Variants in OTOF observed in about 807,000 individuals in gnomAD.
OTOF encodes the protein fer-1-like family member 2.
In OTOF, 218 loss-of-function variants were observed where a neutral mutation model predicts 236.8. That is an observed-to-expected ratio of 0.92 (90% confidence interval 0.82 to 1.03). The LOEUF (loss-of-function observed/expected upper bound fraction) is 1.03, where lower values mean the gene tolerates loss of function less well. Among genes scored for constraint, OTOF ranks in the 50% least tolerant of loss-of-function variants. OTOF has a pLI of 0.00. For missense variants in OTOF, 2,590 were observed against 2,694.4 expected (o/e 0.96, Z 0.86); for synonymous variants, 1,041 against 1,072.5 (o/e 0.97, Z 0.57).
In OTOF at chr2:26,476,921, G is replaced by C. The variant is rs757243762; in HGVS notation, c.2646C>G (p.Asp882Glu). The change falls in exon 22 of 47, where the codon GAC becomes GAG. Residue 882 changes from aspartate to glutamate, a missense_variant. Transcript: ENST00000272371. ...FSIVEEETGK[D>E]CAKVKTLFLK... Reference sequence around the variant, plus strand: ...GGAAGAGCGTCTTGACCTTGGCGCAGTCCTTGCCAGTCTCCTCCTCCACGA... The same window carrying C: ...GGAAGAGCGTCTTGACCTTGGCGCACTCCTTGCCAGTCTCCTCCTCCACGA... 1.9e-6 allele frequency: 3 copies of C among 1,611,138 alleles called. No individual in the cohort carries two copies. Among genetic ancestry groups the C allele is most frequent in the South Asian group, 2.2e-5 (2 of 91,052 alleles).
Position 26,470,794 on chromosome 2 carries a change from TC to T in OTOF, c.3895-74del. On this transcript the variant is annotated intron_variant, in intron 31 of 46. Coordinates refer to ENST00000272371, the MANE Select transcript of OTOF (RefSeq NM_194248.3). This position sits in a 1 kb window ranked among gnomAD's most constrained non-coding sequence, Gnocchi z 4.3. ...GACAATCCCGAGAGCCTCCACCCAT[TC>T]CGCCATCTGTCAGCAGGAAGCCTTG... 1.3e-6 allele frequency: 2 copies of T among 1,575,142 alleles called. No individual in the cohort carries two copies. The highest frequency in any genetic ancestry group is 1.7e-6 in the Non-Finnish European group (2 of 1,165,168).
At chr2:26,552,489 C>T (rs1196639615) in intron 1 of OTOF, among the ~76,000 whole-genome samples, 2 of 152,186 alleles carry the variant, frequency 1.3e-5, no homozygotes, top group Non-Finnish European at 2.9e-5. Context: ...AAATGATTTG[C>T]AAGTCTGTTC....
At chr2:26,494,894 C>T (rs1480947795) in intron 9 of OTOF, 48 bp downstream of exon 9, 1 of 1,612,398 alleles carries the variant, frequency 6.2e-7, no homozygotes, top group East Asian at 2.2e-5. Context: ...GCTGGGGCCA[C>T]CCTCCTGCCA....
At chr2:26,483,054 TGTGA>T in intron 13 of OTOF, among the ~76,000 whole-genome samples, 1 of 149,464 alleles carries the variant, frequency 6.7e-6, no homozygotes, top group Non-Finnish European at 1.5e-5. Context: ...TGTGTGCATG[TGTGA>T]GTGGGTGTGT....
At chr2:26,472,955 G>A (rs1441246880) in intron 29 of OTOF, among the ~76,000 whole-genome samples, 177 bp downstream of exon 29, 1 of 152,222 alleles carries the variant, frequency 6.6e-6, no homozygotes, top group South Asian at 2.1e-4. Context: ...CTCTCTGGCT[G>A]TAGAGCTGGC....
At chr2:26,497,151 G>T in intron 8 of OTOF, among the ~76,000 whole-genome samples, 1 of 139,712 alleles carries the variant, frequency 7.2e-6, no homozygotes, top group East Asian at 2.0e-4. Flanking sequence ...TGCCCCGGCT[G>T]GAGTGCAGTG....
At chr2:26,486,236 G>A (rs1665696992) in intron 11 of OTOF, among the ~76,000 whole-genome samples, 1 of 150,946 alleles carries the variant, frequency 6.6e-6, no homozygotes, top group South Asian at 2.1e-4. Flanking sequence ...ATAGATGGGT[G>A]GGTAGATATA....
intron 1 of OTOF, among the ~76,000 whole-genome samples, chr2:26,555,564 A>G (rs985888722): frequency 6.6e-6 from 1 of 152,290 alleles, no homozygotes; most frequent in East Asian, 1.9e-4. Context: ...CAGTGGGAAA[A>G]GAGGTGGCCA....
At position 26,476,935 on chromosome 2, in the gene OTOF, C is replaced by T. The variant is rs1172733523; in HGVS notation, c.2632G>A (p.Glu878Lys). Residue 878 changes from glutamate (E) to lysine (K), a missense_variant, in exon 22 of 47, where the codon GAG (glutamate) becomes AAG (lysine). By Grantham distance (56) the Glu-to-Lys change is moderately conservative (BLOSUM62 1). This residue lies in a region of OTOF where 1,379 missense variants were observed against 1,341.6 expected (regional missense o/e 1.03). Coordinates refer to ENST00000272371, the MANE Select transcript of OTOF (RefSeq NM_194248.3). ...KDLLFSIVEE[E>K]TGKDCAKVKT... Reference sequence around the variant, plus strand: ...ACCTTGGCGCAGTCCTTGCCAGTCTCCTCCTCCACGATGGAGAAGAGCAGG... The same window carrying T: ...ACCTTGGCGCAGTCCTTGCCAGTCTTCTCCTCCACGATGGAGAAGAGCAGG... 7 of 1,611,058 alleles carry T rather than the reference C, an allele frequency of 4.3e-6. No individual in the cohort carries two copies. The highest frequency in any genetic ancestry group is 1.1e-5 in the South Asian group (1 of 91,024).
Position 26,466,731 on chromosome 2 carries a change from G to T in OTOF, c.4483C>A (p.Arg1495=), listed in dbSNP as rs147321712. ...AGTCTCACCCGGACCACATAGACTC[G>T]GACCAGCACATTGATGGGGTCATTG... ...PSNDPINVLV[R]VYVVRATDLH... is the part of the protein sequence containing the mutation. Residue 1495 remains arginine (R), a synonymous_variant, in exon 36 of 47, where the codon CGA becomes AGA. Coordinates refer to ENST00000272371, the MANE Select transcript of OTOF (RefSeq NM_194248.3). The T allele has an allele frequency of 3.2e-4, 512 of 1,614,094 alleles. No homozygotes were observed. Among genetic ancestry groups the T allele is most frequent in the Non-Finnish European group, 4.1e-4 (483 of 1,180,046 alleles).
Position 26,474,507 on chromosome 2 carries a change from T to A in OTOF, c.3288+6A>T. The stretch of plus-strand genomic sequence containing the variant: ...AGGCCTCAGCCCCTCTTCCCTGCAG[T>A]CCCACCTGCAGCAGCTCGAAGGCCG... On this transcript the variant is annotated splice_donor_region_variant and intron_variant, in intron 26 of 46. Coordinates refer to ENST00000272371, the MANE Select transcript of OTOF (RefSeq NM_194248.3). The A allele has an allele frequency of 6.3e-7, 1 of 1,590,796 alleles. No homozygotes were observed. Among genetic ancestry groups the A allele is most frequent in the Non-Finnish European group, 8.6e-7 (1 of 1,168,030 alleles).
At chr2:26,486,880 A>G (rs1490810675) in intron 11 of OTOF, among the ~76,000 whole-genome samples, 2 of 152,110 alleles carry the variant, frequency 1.3e-5, no homozygotes, top group Non-Finnish European at 2.9e-5. Context: ...CTGAAACATC[A>G]TTTCACCTCC....
At position 26,494,862 on chromosome 2, in the gene OTOF, A is replaced by G. The variant is rs1665941227; in HGVS notation, c.897+80T>C. ...CCTGTGTGCTCCTTGACTTCCAGCC[A>G]CTCCTATTTCTCCTGGGGAGGGCTG... On this transcript the variant is annotated intron_variant, in intron 9 of 46. Coordinates refer to ENST00000272371, the MANE Select transcript of OTOF (RefSeq NM_194248.3). The G allele has an allele frequency of 2.6e-6, 4 of 1,541,106 alleles. No individual in the cohort carries two copies. In the East Asian group the frequency reaches 9.0e-5, roughly 35 times the overall value.
intron 1 of OTOF, among the ~76,000 whole-genome samples, chr2:26,541,512 C>T (rs935899908): frequency 1.3e-5 from 2 of 152,162 alleles, no homozygotes; most frequent in Admixed American, 6.5e-5. Flanking sequence ...AAATGTCCTT[C>T]AGCATTTTGG....
chr2:26,462,163 G>C lies in OTOF; in HGVS notation c.5211C>G (p.Ile1737Met), dbSNP rs1197682677. The change falls in exon 42 of 47, where the codon ATC becomes ATG. Residue 1737 changes from isoleucine to methionine, a missense_variant. Around this residue, in one of 2 missense-constraint regions of OTOF, gnomAD observed 1,211 missense variants for 1,352.8 expected, o/e 0.90. Coordinates refer to ENST00000272371, the MANE Select transcript of OTOF (RefSeq NM_194248.3). This position sits in a 1 kb window ranked among gnomAD's most constrained non-coding sequence, Gnocchi z 4.7. ...AGACCACCTCATCTGTGTTCCAGAT[G>C]ATGACCCGCAGCTCGTACCTGGGCC... ...RKPKKYELRV[I>M]IWNTDEVVLE... is the part of the protein sequence containing the mutation. 1.2e-6 allele frequency: 2 copies of C among 1,614,028 alleles called. No homozygotes were observed. Among genetic ancestry groups the C allele is most frequent in the South Asian group, 2.2e-5 (2 of 91,074 alleles).
intron 9 of OTOF, among the ~76,000 whole-genome samples, chr2:26,493,832 A>G (rs1266930600): frequency 6.6e-6 from 1 of 152,272 alleles, no homozygotes; most frequent in African/African-American, 2.4e-5. Flanking sequence ...TGCTCAACCA[A>G]TGGGGAAGTG....
In OTOF at chr2:26,490,406, C is replaced by T. The variant is rs1665811338; in HGVS notation, c.898-666G>A. 1.3e-5 allele frequency among the ~76,000 whole-genome samples: 2 copies of T among 152,198 alleles called. 1 individual carries two copies. Among genetic ancestry groups the T allele is most frequent in the South Asian group, 4.1e-4 (2 of 4,832 alleles). ...CTTAGTTGGCAGTCGATGTGAAATG[C>T]CATGGGTGTGCACTGTCCTTTGGTG... On this transcript the variant is annotated intron_variant, in intron 9 of 46. Transcript: ENST00000272371.
At position 26,479,395 on chromosome 2, in the gene OTOF, C is replaced by T. The variant is rs1234416518; in HGVS notation, c.2094-11G>A. 2.5e-6 allele frequency: 4 copies of T among 1,611,890 alleles called. No individual in the cohort carries two copies. Among genetic ancestry groups the T allele is most frequent in the East Asian group, 2.2e-5 (1 of 44,840 alleles). On this transcript the variant is annotated splice_polypyrimidine_tract_variant and intron_variant, in intron 17 of 46. Coordinates refer to ENST00000272371, the MANE Select transcript of OTOF (RefSeq NM_194248.3). ...AGATGGAAGTAGTTCCTGGGGTGGG[C>T]AGAGGCGGGAGGTGAGGTCTTGGGG...
chr2:26,519,794 A>G lies in OTOF; in HGVS notation c.228-685T>C, dbSNP rs549576776. Among the ~76,000 whole-genome samples, 6 of 152,290 alleles carry G rather than the reference A, an allele frequency of 3.9e-5. No individual in the cohort carries two copies. In the South Asian group the frequency reaches 8.3e-4, roughly 21 times the overall value. ...CTCATAAGATGAGCTGATAAGCCCT[A>G]CTTCACAGAGTTGTTGTTGGAGGAC... On this transcript the variant is annotated intron_variant, in intron 3 of 46. Coordinates refer to ENST00000272371, the MANE Select transcript of OTOF (RefSeq NM_194248.3).
Sources: gnomAD v4.1 joint callset for allele counts (sites outside exome capture counted in the v4.1 genomes callset) on GRCh38, gnomAD v4.1.1 for gene constraint, gnomAD v4.1.1 regional missense constraint, Gnocchi (gnomAD v3.1) non-coding constraint, MANE v1.5 for transcripts, NCBI Gene and HGNC (gene_info 2026-07-23, HGNC 2026-07-21) for gene names.